EPB41L2: variants seen among roughly 807,000 people sequenced by gnomAD.
The protein encoded by EPB41L2 is erythrocyte membrane protein band 4.1 like 2.
A neutral mutation model predicts 113.0 loss-of-function variants in EPB41L2; 43 were observed. That is an observed-to-expected ratio of 0.38 (90% CI 0.30 to 0.49). EPB41L2 has a LOEUF of 0.49. EPB41L2 is among the 20% of genes least tolerant of loss of function. The probability of loss-of-function intolerance (pLI) is 0.95; values close to 1 mark genes in which losing one functional copy is unlikely to be tolerated. For synonymous variants in EPB41L2, 442 were observed against 436.7 expected (o/e 1.01, Z -0.15); for missense variants, 1,147 against 1,223.4 (o/e 0.94, Z 0.93).
intron 9 of EPB41L2, 132 bp downstream of exon 9, chr6:130,894,835 C>T (rs935951651): frequency 1.7e-5 from 18 of 1,039,528 alleles, no homozygotes; most frequent in Non-Finnish European, 2.0e-5. Flanking sequence ...CCATTAAGAA[C>T]CCTGACCTTT....
intron 13 of EPB41L2, among the ~76,000 whole-genome samples, chr6:130,878,962 C>A (rs3777438): frequency 0.27 from 40,959 of 152,102 alleles, 7,127 homozygotes; most frequent in African/African-American, 0.48. Context: ...TCCGCAACTG[C>A]CAGATCGTCC....
At chr6:131,020,641 T>A (rs943666927) in intron 1 of EPB41L2, among the ~76,000 whole-genome samples, 1 of 152,212 alleles carries the variant, frequency 6.6e-6, no homozygotes, top group Non-Finnish European at 1.5e-5. Flanking sequence ...GAGATGCCAA[T>A]CAATAATTTT....
intron 1 of EPB41L2, among the ~76,000 whole-genome samples, chr6:131,020,273 T>A (rs1197549317): frequency 1.3e-5 from 2 of 152,208 alleles, no homozygotes; most frequent in Admixed American, 1.3e-4. Flanking sequence ...TATCATTAAC[T>A]CCCTCATATT....
intron 3 of EPB41L2, among the ~76,000 whole-genome samples, chr6:130,938,980 T>C (rs529794208): frequency 3.9e-5 from 6 of 152,228 alleles, no homozygotes; most frequent in African/African-American, 1.4e-4. Context: ...GATATCATCA[T>C]GGAACTAGTA....
intron 1 of EPB41L2, among the ~76,000 whole-genome samples, chr6:131,061,269 G>C (rs564384968): frequency 6.6e-6 from 1 of 152,316 alleles, no homozygotes; most frequent in East Asian, 1.9e-4. Context: ...TGGGAATTCT[G>C]CCCAAGAAGT....
intron 3 of EPB41L2, among the ~76,000 whole-genome samples, chr6:130,950,014 T>A (rs912776165): frequency 6.6e-6 from 1 of 152,194 alleles, no homozygotes; most frequent in Non-Finnish European, 1.5e-5. Context: ...AGGAGACTGA[T>A]TATTAGTAGT....
In EPB41L2 at chr6:130,961,603, C is replaced by T. The variant is rs143187272; in HGVS notation, c.-14-5104G>A. ...GCAGATACACAACCTCACAAACACACAAACAACTTCAAGCAAGGGGTTCAT... is the reference window on the plus strand; with the variant it reads ...GCAGATACACAACCTCACAAACACATAAACAACTTCAAGCAAGGGGTTCAT... On this transcript the variant is annotated intron_variant, in intron 1 of 19. Coordinates refer to ENST00000337057, the MANE Select transcript of EPB41L2 (RefSeq NM_001431.4). 7.0e-3 allele frequency among the ~76,000 whole-genome samples: 1,071 copies of T among 152,242 alleles called. 9 individuals are homozygous for T. The highest frequency in any genetic ancestry group is 0.017 in the Middle Eastern group (5 of 294).
At chr6:131,062,548 C>T (rs1375411306) in intron 1 of EPB41L2, 2 of 151,430 alleles carry the variant, frequency 1.3e-5, no homozygotes, top group African/African-American at 4.8e-5. Context: ...GGACGCGAGC[C>T]TACAGCGGGC....
At chr6:130,842,797 T>C (rs761226851) in intron 19 of EPB41L2, among the ~76,000 whole-genome samples, 2 of 152,342 alleles carry the variant, frequency 1.3e-5, no homozygotes, top group African/African-American at 2.4e-5. Flanking sequence ...AACTTCAACA[T>C]TTACTGAGCT....
At chr6:130,966,456 T>C (rs535676962) in intron 1 of EPB41L2, among the ~76,000 whole-genome samples, 8 of 152,242 alleles carry the variant, frequency 5.3e-5, no homozygotes, top group South Asian at 4.2e-4. Flanking sequence ...ATCTTATAGG[T>C]TGAAAGCAAA....
chr6:131,048,138 CAAAAA>C (rs200522047), intron 1 of EPB41L2, among the ~76,000 whole-genome samples: 1 of 53,038 alleles, frequency 1.9e-5, no homozygotes, highest in Non-Finnish European at 4.4e-5. Flanking sequence ...GACTCTGTCT[CAAAAA>C]AAAAAAAAAA....
At chr6:130,997,848 T>C (rs1028373376) in intron 1 of EPB41L2, among the ~76,000 whole-genome samples, 2 of 152,126 alleles carry the variant, frequency 1.3e-5, no homozygotes, top group African/African-American at 4.8e-5. Context: ...TGGACACAAG[T>C]TTCACTCATT....
chr6:130,959,891 A>G (rs1288614841), intron 1 of EPB41L2, among the ~76,000 whole-genome samples: 2 of 152,256 alleles, frequency 1.3e-5, no homozygotes, highest in African/African-American at 2.4e-5. Flanking sequence ...TGTGAGAAAT[A>G]GTCTGGGAAC....
chr6:130,987,076 C>T (rs1780734356), intron 1 of EPB41L2, among the ~76,000 whole-genome samples: 1 of 151,996 alleles, frequency 6.6e-6, no homozygotes, highest in African/African-American at 2.4e-5. Context: ...TCTGTATGCC[C>T]CAATAATATT....
chr6:130,982,699 G>T (rs1270720466), intron 1 of EPB41L2, among the ~76,000 whole-genome samples: 1 of 152,128 alleles, frequency 6.6e-6, no homozygotes, highest in East Asian at 1.9e-4. Flanking sequence ...TTGTTTTGAA[G>T]AAAATATTTT....
intron 1 of EPB41L2, among the ~76,000 whole-genome samples, chr6:131,014,994 G>C (rs1417498463): frequency 1.3e-5 from 2 of 152,114 alleles, no homozygotes; most frequent in African/African-American, 4.8e-5. Flanking sequence ...CTATATCTAG[G>C]TACAAAAGGC....
At chr6:130,913,373 T>C (rs1203734108) in intron 4 of EPB41L2, among the ~76,000 whole-genome samples, 1 of 152,192 alleles carries the variant, frequency 6.6e-6, no homozygotes, top group East Asian at 1.9e-4. Flanking sequence ...TCACCGCGTT[T>C]TCCCTTTCCT....
intron 1 of EPB41L2, among the ~76,000 whole-genome samples, chr6:130,961,105 G>A (rs922769544): frequency 2.6e-5 from 4 of 152,114 alleles, no homozygotes; most frequent in African/African-American, 9.7e-5. Context: ...TGGAACTAAG[G>A]TTTCCCAAAC....
rs71030726 is a variant in EPB41L2 at position 131,048,158 on chromosome 6, GAAA to G, written c.-15+14994_-15+14996del. Among the ~76,000 whole-genome samples, 112 of 69,904 alleles carry G rather than the reference GAAA, an allele frequency of 1.6e-3. 1 individual carries two copies. The highest frequency in any genetic ancestry group is 4.8e-3 in the African/African-American group (100 of 20,638). 45.9% of individuals were successfully genotyped at this position (69,904 alleles called of 152,430 possible). Reference sequence around the variant, plus strand: ...TGTCTCAAAAAAAAAAAAAAAAAAAGAAAAAAAGAAAAGAAAAATCTAAAAACA... The same window carrying G: ...TGTCTCAAAAAAAAAAAAAAAAAAAGAAAAGAAAAGAAAAATCTAAAAACA... On this transcript the variant is annotated intron_variant, in intron 1 of 19. Transcript: ENST00000337057.
Sources: gnomAD v4.1 joint callset for allele counts (sites outside exome capture counted in the v4.1 genomes callset) on GRCh38, gnomAD v4.1.1 for gene constraint, MANE v1.5 for transcripts, NCBI Gene and HGNC (gene_info 2026-07-23, HGNC 2026-07-21) for gene names.